Variants in HFM1 observed in about 807,000 individuals in gnomAD.
HFM1 encodes helicase for meiosis 1.
A neutral mutation model predicts 192.1 loss-of-function variants in HFM1; 169 were observed. The observed-to-expected ratio is 0.88, with a 90% CI of 0.78 to 1.00. The LOEUF is 1.00. Ranked by LOEUF, HFM1 falls within the 50% of genes least tolerant of loss-of-function variation. The probability of loss-of-function intolerance (pLI) is 0.00; values close to 1 mark genes in which losing one functional copy is unlikely to be tolerated. For missense variants in HFM1, 1,661 were observed against 1,668.0 expected (o/e 1.00, Z 0.07); for synonymous variants, 525 against 537.8 (o/e 0.98, Z 0.33).
intron 30 of HFM1, among the ~76,000 whole-genome samples, chr1:91,303,788 T>C (rs1649195603): frequency 6.6e-6 from 1 of 152,220 alleles, no homozygotes; most frequent in Non-Finnish European, 1.5e-5. Flanking sequence ...TTCATATGTG[T>C]GTTGACCATT....
At chr1:91,406,488 A>T (rs1664817122), upstream of HFM1, among the ~76,000 whole-genome samples, 1 of 152,238 alleles carries the variant, frequency 6.6e-6, no homozygotes, top group African/African-American at 2.4e-5. Flanking sequence ...AAATAATGTA[A>T]TAAAAATGTC....
upstream of HFM1, among the ~76,000 whole-genome samples, chr1:91,407,271 G>A (rs1479799373): frequency 6.6e-6 from 1 of 152,032 alleles, no homozygotes; most frequent in Non-Finnish European, 1.5e-5. Context: ...ACGAGTTGAT[G>A]GGTGCAGCAA....
Position 91,323,119 on chromosome 1 carries a change from G to T in HFM1, c.2508C>A (p.Asn836Lys), listed in dbSNP as rs377354571. The change falls in exon 22 of 39, where the codon AAC (asparagine) becomes AAA (lysine). Residue 836 changes from asparagine (N) to lysine (K), a missense_variant. Physicochemically the swap from Asn to Lys is moderately conservative, Grantham distance 94. Coordinates refer to ENST00000370425, the MANE Select transcript of HFM1 (RefSeq NM_001017975.6). ...TGATAGTTATCCGATTTGGATCTTTGTTCAAAGTATTCAGTGTTTTCTTTT... is the reference window on the plus strand; with the variant it reads ...TGATAGTTATCCGATTTGGATCTTTTTTCAAAGTATTCAGTGTTTTCTTTT... The part of the protein sequence containing the change: ...INEKKTLNTL[N>K]KDPNRITIRF... 1 of 1,580,452 alleles carries T rather than the reference G, an allele frequency of 6.3e-7. No individual in the cohort carries two copies. The highest frequency in any genetic ancestry group is 1.1e-5 in the South Asian group (1 of 87,128).
chr1:91,354,233 G>C (rs1483272046), intron 13 of HFM1, among the ~76,000 whole-genome samples: 1 of 151,314 alleles, frequency 6.6e-6, no homozygotes, highest in Non-Finnish European at 1.5e-5. Flanking sequence ...AAAACAAGCA[G>C]AAGAAAGAAT....
At chr1:91,348,956 G>C (rs1242983433) in intron 18 of HFM1, among the ~76,000 whole-genome samples, 1 of 151,766 alleles carries the variant, frequency 6.6e-6, no homozygotes, top group African/African-American at 2.4e-5. Context: ...AAGAAAAAAA[G>C]GAATGTGCAG....
chr1:91,401,489 T>A (rs12756869), intron 1 of HFM1, among the ~76,000 whole-genome samples: 2 of 152,106 alleles, frequency 1.3e-5, no homozygotes, highest in African/African-American at 4.8e-5. Flanking sequence ...GGGCTCTTAA[T>A]ACTTTGTTCA....
chr1:91,312,335 T>C (rs1343442600), intron 30 of HFM1, among the ~76,000 whole-genome samples: 2 of 151,898 alleles, frequency 1.3e-5, no homozygotes, highest in Non-Finnish European at 2.9e-5. Context: ...AAGCAGCCAG[T>C]AGGGAGGCTG....
chr1:91,322,397 A>T (rs1386830839), intron 23 of HFM1, among the ~76,000 whole-genome samples: 3 of 152,214 alleles, frequency 2.0e-5, no homozygotes, highest in Non-Finnish European at 4.4e-5. Context: ...CAGAAAGCCA[A>T]GCACTCAGTA....
intron 2 of HFM1, among the ~76,000 whole-genome samples, chr1:91,400,156 TAATAC>T (rs200430298): frequency 0.016 from 2,429 of 152,292 alleles, 35 homozygotes; most frequent in Non-Finnish European, 0.025. Flanking sequence ...TAAAATAGGA[TAATAC>T]AATACACTAA....
chr1:91,335,983 T>C (rs1324858395), intron 20 of HFM1, among the ~76,000 whole-genome samples: 1 of 151,508 alleles, frequency 6.6e-6, no homozygotes, highest in Non-Finnish European at 1.5e-5. Context: ...CCTCTCTCCT[T>C]CCCTCCTTGT....
intron 21 of HFM1, among the ~76,000 whole-genome samples, chr1:91,323,848 T>A (rs1322436774): frequency 6.6e-6 from 1 of 152,196 alleles, no homozygotes; most frequent in Non-Finnish European, 1.5e-5. Context: ...TACACAAAAA[T>A]ACAAACCTTC....
intron 20 of HFM1, chr1:91,339,133 C>T: frequency 2.4e-6 from 1 of 421,416 alleles, no homozygotes; most frequent in Non-Finnish European, 4.7e-6. Context: ...ACAGCAACTT[C>T]AAATATTAAA....
chr1:91,342,551 C>T (rs2101640417), intron 20 of HFM1, among the ~76,000 whole-genome samples: 1 of 152,270 alleles, frequency 6.6e-6, no homozygotes, highest in Admixed American at 6.5e-5. Flanking sequence ...CATATTTCTC[C>T]ATGACTTTTC....
intron 13 of HFM1, among the ~76,000 whole-genome samples, chr1:91,364,720 C>A (rs1331245219): frequency 6.9e-6 from 1 of 145,220 alleles, no homozygotes; most frequent in Non-Finnish European, 1.5e-5. Flanking sequence ...GCAAGCTCTG[C>A]CCCCCGGGGT....
At chr1:91,353,030 C>A in intron 15 of HFM1, 21 bp downstream of exon 15, 1 of 1,430,428 alleles carries the variant, frequency 7.0e-7, no homozygotes, top group East Asian at 2.3e-5. Context: ...ATAGTATCCA[C>A]GAGAAATATG....
chr1:91,280,385 A>T (rs1217137936), intron 30 of HFM1, among the ~76,000 whole-genome samples: 1 of 152,188 alleles, frequency 6.6e-6, no homozygotes, highest in Non-Finnish European at 1.5e-5. Context: ...GTAAGATGAG[A>T]CTATAGTGGT....
Position 91,347,487 on chromosome 1 carries a change from T to C in HFM1, c.2207-11A>G, listed in dbSNP as rs747934549. The C allele has an allele frequency of 2.5e-6, 4 of 1,577,412 alleles. No homozygotes were observed. The highest frequency in any genetic ancestry group is 1.4e-5 in the African/African-American group (1 of 73,798). On this transcript the variant is annotated splice_polypyrimidine_tract_variant and intron_variant, in intron 18 of 38. Transcript: ENST00000370425. ...ATCCAGATGCAAAACCTGCATGTCA[T>C]GAAAAAGTAAAATAGAATTTAGCTC...
chr1:91,311,670 T>C (rs1417850885), intron 30 of HFM1, among the ~76,000 whole-genome samples: 3 of 149,784 alleles, frequency 2.0e-5, no homozygotes, highest in Non-Finnish European at 3.0e-5. Flanking sequence ...GACTATGCAA[T>C]AGAAAAGAAA....
chr1:91,398,417 T>C (rs993236081), intron 2 of HFM1, among the ~76,000 whole-genome samples: 3 of 152,232 alleles, frequency 2.0e-5, no homozygotes, highest in Non-Finnish European at 4.4e-5. Context: ...TCCACGGTCA[T>C]TATCATAATC....
Sources: allele counts gnomAD v4.1 joint callset (sites outside exome capture counted in the v4.1 genomes callset), GRCh38; gene constraint gnomAD v4.1.1; transcripts MANE v1.5; gene names NCBI Gene and HGNC (gene_info 2026-07-23, HGNC 2026-07-21).